SLC15A5: variants seen among roughly 807,000 people sequenced by gnomAD.
The protein encoded by SLC15A5 is Peptide/histidine transporter ENSP00000340402.
A neutral mutation model predicts 56.1 loss-of-function variants in SLC15A5; 58 were observed. The ratio of observed to expected loss-of-function variants is 1.03; its 90% confidence interval spans 0.84 to 1.29. The LOEUF (loss-of-function observed/expected upper bound fraction) is 1.29. Ranked by LOEUF, SLC15A5 falls within the 50% of genes most tolerant of loss-of-function variation. SLC15A5 has a pLI of 0.00. For synonymous variants in SLC15A5, 264 were observed against 250.5 expected, an observed-to-expected ratio of 1.05 and a Z score of -0.51; for missense variants, 681 against 672.1, an observed-to-expected ratio of 1.01 and a Z score of -0.15.
At chr12:16,216,463 T>G (rs1864130411) in intron 7 of SLC15A5, among the ~76,000 whole-genome samples, 1 of 152,170 alleles carries the variant, frequency 6.6e-6, no homozygotes, top group Non-Finnish European at 1.5e-5. Flanking sequence ...ATTATTCAAT[T>G]CACAATTTCT....
chr12:16,255,033 A>G (rs893360297), intron 3 of SLC15A5, among the ~76,000 whole-genome samples: 2 of 152,128 alleles, frequency 1.3e-5, no homozygotes, highest in Admixed American at 6.5e-5. Flanking sequence ...GAAATGATGG[A>G]TCTGCCAATT....
intron 3 of SLC15A5, among the ~76,000 whole-genome samples, chr12:16,256,674 A>C (rs1864576260): frequency 6.6e-6 from 1 of 152,070 alleles, no homozygotes; most frequent in Non-Finnish European, 1.5e-5. Context: ...CCTGGCTAAC[A>C]CGGTGAAACC....
In SLC15A5 at chr12:16,272,586, G is replaced by C; in HGVS notation, c.559C>G (p.Gln187Glu). ...CAGTTAAAAAAAGACATCGTTTTTT[G>C]TGATCCATACTCCTGAAGGCCAAAA... ...GAFGLQEYGS[Q>E]KTMSFFNWFY... Residue 187 changes from glutamine (Q) to glutamate (E), a missense_variant, in exon 2 of 9, where the codon CAA becomes GAA. Coordinates refer to ENST00000344941, the MANE Select transcript of SLC15A5 (RefSeq NM_001170798.1). The C allele has an allele frequency of 2.0e-6, 3 of 1,536,752 alleles. No individual in the cohort carries two copies. The highest frequency in any genetic ancestry group is 2.6e-6 in the Non-Finnish European group (3 of 1,146,590).
intron 4 of SLC15A5, among the ~76,000 whole-genome samples, chr12:16,242,632 A>C (rs2136259677): frequency 6.6e-6 from 1 of 152,342 alleles, no homozygotes; most frequent in South Asian, 2.1e-4. Flanking sequence ...CTTTGCAATA[A>C]GTTGCACATC....
In SLC15A5 at chr12:16,205,553, TATATATTCCATAA is replaced by T. The variant is rs1565657526; in HGVS notation, c.1484-11113_1484-11101del. ...AGGTGCATATATATATATGTATATA[TATATATTCCATAA>T]GAAGGGAAAGGTGCATATATATATA... On this transcript the variant is annotated intron_variant, in intron 7 of 8. Transcript: ENST00000344941. Among the ~76,000 whole-genome samples, 3 of 31,122 alleles carry T rather than the reference TATATATTCCATAA, an allele frequency of 9.6e-5. No homozygotes were observed. The East Asian group carries it at 1.8e-3, about 19-fold the overall frequency. 20.4% of individuals were successfully genotyped at this position (31,122 alleles called of 152,430 possible). A position where few individuals can be genotyped will look rare whatever the true frequency, so the allele number is the denominator to read the frequency against.
chr12:16,198,420 T>C (rs1160938420), intron 7 of SLC15A5, among the ~76,000 whole-genome samples: 1 of 152,130 alleles, frequency 6.6e-6, no homozygotes, highest in Non-Finnish European at 1.5e-5. Context: ...AGACAAAGGA[T>C]TGTAGAATCA....
intron 3 of SLC15A5, among the ~76,000 whole-genome samples, chr12:16,250,000 C>T (rs75383274): frequency 0.023 from 3,450 of 151,966 alleles, 67 homozygotes; most frequent in Non-Finnish European, 0.036. Context: ...GTCCACAGGC[C>T]ACAGAGCTCT....
intron 2 of SLC15A5, among the ~76,000 whole-genome samples, chr12:16,266,063 G>A (rs558063668): frequency 2.1e-4 from 32 of 152,248 alleles, no homozygotes; most frequent in African/African-American, 7.5e-4. Context: ...AACATGGAAC[G>A]TGACCACATT....
At chr12:16,212,816 A>G (rs752781346) in intron 7 of SLC15A5, among the ~76,000 whole-genome samples, 27 of 111,000 alleles carry the variant, frequency 2.4e-4, no homozygotes, top group Non-Finnish European at 5.1e-4. Flanking sequence ...GATGACACAG[A>G]ATCAATTTTC....
intron 5 of SLC15A5, among the ~76,000 whole-genome samples, chr12:16,234,633 G>T (rs1864329827): frequency 1.3e-5 from 2 of 152,140 alleles, no homozygotes; most frequent in Non-Finnish European, 2.9e-5. Context: ...ATTATATTCA[G>T]ATAAATAATG....
chr12:16,250,779 A>G (rs1397677540), intron 3 of SLC15A5, among the ~76,000 whole-genome samples: 3 of 152,012 alleles, frequency 2.0e-5, no homozygotes, highest in African/African-American at 4.8e-5. Flanking sequence ...ATGAATACTA[A>G]AAGAAAATGT....
intron 2 of SLC15A5, among the ~76,000 whole-genome samples, chr12:16,264,760 G>A (rs1345760873): frequency 6.6e-6 from 1 of 152,112 alleles, no homozygotes; most frequent in Non-Finnish European, 1.5e-5. Flanking sequence ...AAAAAGGGGA[G>A]TTTCTTTGCA....
intron 3 of SLC15A5, among the ~76,000 whole-genome samples, chr12:16,251,235 T>C (rs1192357687): frequency 1.3e-5 from 2 of 151,698 alleles, no homozygotes; most frequent in African/African-American, 4.8e-5. Flanking sequence ...TTTACATTAA[T>C]AAAGAAGAAT....
At chr12:16,253,454 A>T (rs566284855) in intron 3 of SLC15A5, among the ~76,000 whole-genome samples, 1 of 152,234 alleles carries the variant, frequency 6.6e-6, no homozygotes, top group Admixed American at 6.5e-5. Flanking sequence ...CCAACCTCAA[A>T]TAACCTGTTT....
chr12:16,214,144 G>A (rs1864108605), intron 7 of SLC15A5, among the ~76,000 whole-genome samples: 2 of 152,132 alleles, frequency 1.3e-5, no homozygotes, highest in African/African-American at 2.4e-5. Context: ...GAATAATAAT[G>A]TAAGGTTGTT....
At chr12:16,216,621 G>T (rs929128748) in intron 7 of SLC15A5, among the ~76,000 whole-genome samples, 3 of 152,026 alleles carry the variant, frequency 2.0e-5, no homozygotes, top group Non-Finnish European at 4.4e-5. Context: ...CTCACTGAAA[G>T]ATCTAATAAG....
rs147118058 is a variant in SLC15A5, at chr12:16,238,491, G to A, written c.1162+1190C>T. Among the ~76,000 whole-genome samples, 987 of 152,056 alleles carry A rather than the reference G, an allele frequency of 6.5e-3. 3 individuals carry two copies. Among genetic ancestry groups the A allele is most frequent in the Non-Finnish European group, 8.1e-3 (551 of 67,968 alleles). Reference sequence around the variant, plus strand: ...AAATGCAAAAAAAAATTAGCCAGGCGTGGTGGTGGGCACTTGTAGTCCCAG... The same window carrying A: ...AAATGCAAAAAAAAATTAGCCAGGCATGGTGGTGGGCACTTGTAGTCCCAG... On this transcript the variant is annotated intron_variant, in intron 5 of 8. Coordinates refer to ENST00000344941, the MANE Select transcript of SLC15A5 (RefSeq NM_001170798.1).
At chr12:16,268,708 A>G (rs1488241061) in intron 2 of SLC15A5, among the ~76,000 whole-genome samples, 1 of 152,172 alleles carries the variant, frequency 6.6e-6, no homozygotes, top group Non-Finnish European at 1.5e-5. Flanking sequence ...GAAACACAGT[A>G]GTGGGTTCAA....
intron 5 of SLC15A5, among the ~76,000 whole-genome samples, chr12:16,234,149 A>T (rs1472452051): frequency 6.6e-6 from 1 of 152,196 alleles, no homozygotes; most frequent in Non-Finnish European, 1.5e-5. Context: ...CACGTTCCAC[A>T]TGGCAGAAGG....
Sources: gnomAD v4.1 joint callset for allele counts (sites outside exome capture counted in the v4.1 genomes callset) on GRCh38, gnomAD v4.1.1 for gene constraint, MANE v1.5 for transcripts, NCBI Gene and HGNC (gene_info 2026-07-23, HGNC 2026-07-21) for gene names.